MAD1L1: variants seen among roughly 807,000 people sequenced by gnomAD.
The protein encoded by MAD1L1 is mitotic spindle assembly checkpoint protein MAD1.
A neutral mutation model predicts 96.9 loss-of-function variants in MAD1L1; 95 were observed. That is an observed-to-expected ratio of 0.98 (90% CI 0.83 to 1.16). The LOEUF (loss-of-function observed/expected upper bound fraction) is 1.16, where lower values mean the gene tolerates loss of function less well. MAD1L1 is among the 50% of genes most tolerant of loss of function. The pLI, the probability that MAD1L1 is intolerant of heterozygous loss-of-function variation, is 0.00. For missense variants in MAD1L1, 1,007 were observed against 954.4 expected (o/e 1.06, Z -0.73); for synonymous variants, 473 against 396.6 (o/e 1.19, Z -2.29).
intron 17 of MAD1L1, among the ~76,000 whole-genome samples, chr7:1,923,687 G>C (rs909553084): frequency 6.6e-6 from 1 of 152,284 alleles, no homozygotes; most frequent in Non-Finnish European, 1.5e-5. Flanking sequence ...GCACAGCACA[G>C]TGGGCAAGCC....
At chr7:1,827,445 GTCCTCCCCTCCT>G (rs1192341115) in intron 18 of MAD1L1, among the ~76,000 whole-genome samples, 7 of 137,800 alleles carry the variant, frequency 5.1e-5, no homozygotes, top group African/African-American at 1.9e-4. Context: ...CGGGTGTGGG[GTCCTCCCCTCCT>G]GAGCCCGTCG....
chr7:2,181,646 TGA>T (rs1423225420), intron 10 of MAD1L1, among the ~76,000 whole-genome samples: 1 of 152,122 alleles, frequency 6.6e-6, no homozygotes, highest in Non-Finnish European at 1.5e-5. Flanking sequence ...CTTCGAGAAC[TGA>T]AAGTAGAGCT....
At chr7:1,995,710 C>G (rs756201249) in intron 14 of MAD1L1, among the ~76,000 whole-genome samples, 1 of 152,142 alleles carries the variant, frequency 6.6e-6, no homozygotes, top group Non-Finnish European at 1.5e-5. Flanking sequence ...CCAGCGCGCG[C>G]GGGGACATAC....
chr7:1,860,285 C>T (rs575861900), intron 18 of MAD1L1, among the ~76,000 whole-genome samples: 16 of 138,654 alleles, frequency 1.2e-4, no homozygotes, highest in Middle Eastern at 8.6e-3. Context: ...TCCTGCGGGG[C>T]GGCCTCTGTG....
intron 12 of MAD1L1, among the ~76,000 whole-genome samples, chr7:2,055,262 G>A (rs1184337620): frequency 6.6e-6 from 1 of 152,170 alleles, no homozygotes; most frequent in African/African-American, 2.4e-5. Flanking sequence ...AGGACAGCAG[G>A]TAGGCAGTGG....
rs1257354940 is a variant in MAD1L1, at chr7:1,816,003, G to A, written c.*67C>T. ...CAGGACGTGCACCCAGCCTGTGGCTGGCGGGGCAGGGGACCTGCAGGTCAG... is the reference window on the plus strand; with the variant it reads ...CAGGACGTGCACCCAGCCTGTGGCTAGCGGGGCAGGGGACCTGCAGGTCAG... On this transcript the variant is annotated 3_prime_UTR_variant, in exon 19 of 19. Coordinates refer to ENST00000265854, the MANE Select transcript of MAD1L1 (RefSeq NM_001013836.2). 6.7e-7 allele frequency: 1 copy of A among 1,503,298 alleles called. No individual in the cohort carries two copies. The highest frequency in any genetic ancestry group is 1.4e-5 in the African/African-American group (1 of 72,578). The allele number at this position is 1,503,298 out of a possible 1,614,324, so 93.1% of individuals were successfully genotyped here.
At position 2,002,100 on chromosome 7, in the gene MAD1L1, C is replaced by G; in HGVS notation, c.1381G>C (p.Glu461Gln). ...CTTTGTTTCTGGCCTCCCAGCTCCT[C>G]CAGGGCCTGCGACAGCTGAGCCTGC... ...EMEAQLSQALEELGGQKQRAD... is the reference protein window; with the variant it reads ...EMEAQLSQALQELGGQKQRAD... Residue 461 changes from glutamate (E) to glutamine (Q), a missense_variant, in exon 14 of 19, where the codon GAG becomes CAG. Transcript: ENST00000265854. The G allele has an allele frequency of 6.2e-7, 1 of 1,613,244 alleles. No homozygotes were observed. The highest frequency in any genetic ancestry group is 8.5e-7 in the Non-Finnish European group (1 of 1,180,018).
rs1215220254 is a variant in MAD1L1, at chr7:2,103,935, A to G, written c.1074-34597T>C. ...CTCCACCCCGCTGGACGTCGGAGAA[A>G]GAGGCCCCCAGACACATGGCAGAGA... is the stretch of plus-strand genomic sequence containing the variant. On this transcript the variant is annotated intron_variant, in intron 11 of 18. Transcript: ENST00000265854. This position sits in a 1 kb window ranked among gnomAD's most constrained non-coding sequence, Gnocchi z 4.3. Among the ~76,000 whole-genome samples the G allele has an allele frequency of 1.3e-5, 2 of 152,226 alleles. No individual in the cohort carries two copies. The highest frequency in any genetic ancestry group is 2.4e-5 in the African/African-American group (1 of 41,452).
chr7:2,001,537 G>A (rs762737011), intron 14 of MAD1L1, among the ~76,000 whole-genome samples: 3 of 152,228 alleles, frequency 2.0e-5, no homozygotes, highest in Non-Finnish European at 4.4e-5. Context: ...GGGCCCATGT[G>A]GGCTGAGGAG....
At chr7:1,940,915 A>G (rs955383845) in intron 16 of MAD1L1, among the ~76,000 whole-genome samples, 6 of 52,964 alleles carry the variant, frequency 1.1e-4, no homozygotes, top group African/African-American at 5.0e-4. Context: ...TCTGACCCAG[A>G]GCAGTGAGAC....
intron 10 of MAD1L1, among the ~76,000 whole-genome samples, chr7:2,180,782 T>C (rs1791164761): frequency 6.6e-6 from 1 of 152,228 alleles, no homozygotes; most frequent in Admixed American, 6.5e-5. Flanking sequence ...TTAGCTCTAA[T>C]AATTTTGTAA....
intron 14 of MAD1L1, among the ~76,000 whole-genome samples, chr7:1,983,613 G>A (rs775990078): frequency 6.6e-6 from 1 of 151,886 alleles, no homozygotes; most frequent in Non-Finnish European, 1.5e-5. Context: ...CTTTCCCATC[G>A]AGGTATACAT....
chr7:2,002,056 C>CT lies in MAD1L1; in HGVS notation c.1416+8dup. 2 of 1,613,216 alleles carry CT rather than the reference C, an allele frequency of 1.2e-6. No homozygotes were observed. The highest frequency in any genetic ancestry group is 3.3e-5 in the Admixed American group (2 of 60,030). The stretch of plus-strand genomic sequence containing the variant: ...CCCTGAATCCCAGCCACTCCCGCGT[C>CT]TGACTCACCATGTCTGCTCTTTGTT... On this transcript the variant is annotated intron_variant, in intron 14 of 18. Coordinates refer to ENST00000265854, the MANE Select transcript of MAD1L1 (RefSeq NM_001013836.2).
At chr7:1,941,967 C>A (rs187249181) in intron 16 of MAD1L1, among the ~76,000 whole-genome samples, 3 of 152,324 alleles carry the variant, frequency 2.0e-5, no homozygotes, top group African/African-American at 7.2e-5. Flanking sequence ...CTGGAGAAGG[C>A]AGAGCCCCTA....
intron 10 of MAD1L1, among the ~76,000 whole-genome samples, chr7:2,184,209 G>A (rs898561000): frequency 8.6e-5 from 13 of 151,996 alleles, no homozygotes; most frequent in African/African-American, 2.4e-4. Flanking sequence ...TGGAGATCGC[G>A]CCACTGCACT....
chr7:1,934,543 C>A (rs561022899), intron 17 of MAD1L1, among the ~76,000 whole-genome samples: 1 of 148,706 alleles, frequency 6.7e-6, no homozygotes, highest in African/African-American at 2.5e-5. Flanking sequence ...ACCCGAGATG[C>A]GCAGAGACCC....
chr7:2,228,627 A>G (rs933220715), intron 3 of MAD1L1, among the ~76,000 whole-genome samples: 12 of 144,726 alleles, frequency 8.3e-5, no homozygotes, highest in African/African-American at 3.2e-4. Flanking sequence ...TTCACAAAAG[A>G]ACATTTACAT....
At chr7:2,191,102 A>G (rs1791695442) in intron 10 of MAD1L1, among the ~76,000 whole-genome samples, 1 of 152,260 alleles carries the variant, frequency 6.6e-6, no homozygotes, top group Admixed American at 6.5e-5. Context: ...GACAACCGAT[A>G]CAAGCAACAA....
chr7:2,012,282 G>A (rs1228411155), intron 13 of MAD1L1, among the ~76,000 whole-genome samples: 1 of 152,210 alleles, frequency 6.6e-6, no homozygotes, highest in Non-Finnish European at 1.5e-5. Context: ...ATGTGCCCAC[G>A]GCCAGGCCCG....
Sources: allele counts gnomAD v4.1 joint callset (sites outside exome capture counted in the v4.1 genomes callset), GRCh38; gene constraint gnomAD v4.1.1; non-coding constraint Gnocchi (gnomAD v3.1); transcripts MANE v1.5; gene names NCBI Gene and HGNC (gene_info 2026-07-23, HGNC 2026-07-21).